SNX29: variants seen among roughly 807,000 people sequenced by gnomAD.
The protein encoded by SNX29 is sorting nexin 29, also known as sorting nexin-29.
A neutral mutation model predicts 102.1 loss-of-function variants in SNX29; 78 were observed. The ratio of observed to expected loss-of-function variants is 0.76; its 90% confidence interval spans 0.64 to 0.92. SNX29 has a LOEUF of 0.92. Among genes scored for constraint, SNX29 ranks in the 40% least tolerant of loss-of-function variants. The probability of loss-of-function intolerance (pLI) is 0.00; values close to 1 mark genes in which losing one functional copy is unlikely to be tolerated. For synonymous variants in SNX29, 580 were observed against 414.5 expected, an observed-to-expected ratio of 1.40 and a Z score of -4.85; for missense variants, 1,280 against 1,061.7, an observed-to-expected ratio of 1.21 and a Z score of -2.86.
At chr16:12,205,807 C>T (rs1332874488) in intron 14 of SNX29, among the ~76,000 whole-genome samples, 2 of 152,258 alleles carry the variant, frequency 1.3e-5, no homozygotes, top group Non-Finnish European at 2.9e-5. Context: ...TTGCACTGTA[C>T]AGCCCACAAG....
At chr16:12,352,555 C>G (rs919124306) in intron 15 of SNX29, among the ~76,000 whole-genome samples, 2 of 152,216 alleles carry the variant, frequency 1.3e-5, no homozygotes, top group African/African-American at 4.8e-5. Flanking sequence ...AGGCAAGTTA[C>G]TTAAACTTCT....
At chr16:12,257,519 C>CTCTG (rs2078609948) in intron 14 of SNX29, among the ~76,000 whole-genome samples, 2 of 150,526 alleles carry the variant, frequency 1.3e-5, no homozygotes. Context: ...CTCTCTCTCT[C>CTCTG]TTTAAGAGAG....
At chr16:12,529,824 T>C (rs1327400510) in intron 20 of SNX29, among the ~76,000 whole-genome samples, 1 of 152,200 alleles carries the variant, frequency 6.6e-6, no homozygotes, top group Non-Finnish European at 1.5e-5. Flanking sequence ...CAGGGGTCAC[T>C]TGAACCTAAG....
At chr16:12,004,090 C>T (rs920550535) in intron 3 of SNX29, among the ~76,000 whole-genome samples, 7 of 150,318 alleles carry the variant, frequency 4.7e-5, no homozygotes, top group South Asian at 2.1e-4. Flanking sequence ...GCCTGTAATC[C>T]CAGCACTTTG....
At chr16:12,442,845 C>T (rs965245063) in intron 18 of SNX29, 8 of 367,290 alleles carry the variant, frequency 2.2e-5, no homozygotes, top group Non-Finnish European at 3.8e-5. Context: ...CCTCCCATCT[C>T]AGCCTCACAA....
chr16:12,006,925 C>A (rs985489381), intron 3 of SNX29, among the ~76,000 whole-genome samples: 13 of 152,132 alleles, frequency 8.5e-5, no homozygotes, highest in Non-Finnish European at 2.9e-5. Flanking sequence ...CTGGGTTATC[C>A]CTTTTTTACT....
At chr16:12,560,096 A>G (rs1044060454) in intron 20 of SNX29, among the ~76,000 whole-genome samples, 1 of 152,094 alleles carries the variant, frequency 6.6e-6, no homozygotes, top group Non-Finnish European at 1.5e-5. Flanking sequence ...GTTATCCACA[A>G]AGGATGAGTT....
chr16:12,372,335 A>G (rs1407710979), intron 16 of SNX29, among the ~76,000 whole-genome samples: 2 of 152,246 alleles, frequency 1.3e-5, no homozygotes, highest in African/African-American at 2.4e-5. Flanking sequence ...GGCGCTGTCA[A>G]TAGTGAGTTT....
At chr16:12,027,549 T>C (rs2057228488) in intron 4 of SNX29, 105 bp downstream of exon 4, 2 of 1,387,046 alleles carry the variant, frequency 1.4e-6, no homozygotes, top group Non-Finnish European at 2.0e-6. Flanking sequence ...GCGTGGGACT[T>C]GGTGGGGTGG....
Position 12,561,028 on chromosome 16 carries a change from G to C in SNX29, c.2319-7478G>C, listed in dbSNP as rs191219026. The C allele has an allele frequency of 3.5e-3, 786 of 221,508 alleles. 5 individuals carry two copies. The highest frequency in any genetic ancestry group is 0.017 in the African/African-American group (760 of 44,752). 13.7% of individuals were successfully genotyped at this position (221,508 alleles called of 1,614,324 possible). A position where few individuals can be genotyped will look rare whatever the true frequency, so the allele number is the denominator to read the frequency against. ...ATCAGTTGTGGATGGTGGAAGTCTT[G>C]GAGACCCATTTCAAACCAAGAGGTA... On this transcript the variant is annotated intron_variant, in intron 20 of 20. Transcript: ENST00000566228.
chr16:12,464,376 G>C (rs2086956831), intron 18 of SNX29, among the ~76,000 whole-genome samples: 2 of 152,026 alleles, frequency 1.3e-5, no homozygotes, highest in South Asian at 4.1e-4. Flanking sequence ...TAATAATACT[G>C]CAGTGAATAT....
chr16:12,103,244 C>T (rs1009957401), intron 11 of SNX29, among the ~76,000 whole-genome samples: 1 of 152,178 alleles, frequency 6.6e-6, no homozygotes, highest in African/African-American at 2.4e-5. Context: ...CCCATATAGC[C>T]AAGCTAATCC....
chr16:12,566,725 C>T (rs1484382694), intron 20 of SNX29, among the ~76,000 whole-genome samples: 2 of 152,156 alleles, frequency 1.3e-5, no homozygotes, highest in African/African-American at 2.4e-5. Flanking sequence ...AAGAGAGGAT[C>T]ATGTTTGCTT....
chr16:12,398,326 A>T, intron 16 of SNX29, 120 bp from the exon 17 acceptor site: 3 of 1,105,478 alleles, frequency 2.7e-6, no homozygotes, highest in Admixed American at 1.9e-5. Flanking sequence ...CTGCTTTTTC[A>T]CTTCATTCTG....
Position 12,569,618 on chromosome 16 carries a change from A to C in SNX29, c.*989A>C, listed in dbSNP as rs1237815432. 1 of 204,766 alleles carries C rather than the reference A, an allele frequency of 4.9e-6. No individual in the cohort carries two copies. Among genetic ancestry groups the C allele is most frequent in the African/African-American group, 2.8e-5 (1 of 35,328 alleles). 12.7% of individuals were successfully genotyped at this position (204,766 alleles called of 1,614,324 possible). ...TGCCCCCGACATTGTCCTTGATAAC[A>C]GAACTCTGCATCCCCTAAGACAGAG... On this transcript the variant is annotated 3_prime_UTR_variant, in exon 21 of 21. Transcript: ENST00000566228.
intron 20 of SNX29, among the ~76,000 whole-genome samples, chr16:12,555,110 C>A (rs376660505): frequency 1.5e-5 from 2 of 132,110 alleles, no homozygotes; most frequent in Non-Finnish European, 3.7e-5. Context: ...CAGGGACAAT[C>A]TCAGAGTATC....
rs917585027 is a variant in SNX29, at chr16:12,421,855, C to G, written c.2037+18326C>G. Among the ~76,000 whole-genome samples the G allele has an allele frequency of 2.4e-4, 34 of 143,670 alleles. No individual in the cohort carries two copies. The South Asian group carries it at 6.3e-3, about 26-fold the overall frequency. The allele number at this position is 143,670 out of a possible 152,430, so 94.3% of individuals were successfully genotyped here. On this transcript the variant is annotated intron_variant, in intron 18 of 20. Coordinates refer to ENST00000566228, the MANE Select transcript of SNX29 (RefSeq NM_032167.5). ...GCCATGCATCACCATCACCAGCCAT[C>G]CATCACCATCACCAGCCGTCCATCA... is the stretch of plus-strand genomic sequence containing the variant.
At chr16:12,058,617 C>T (rs537358686) in intron 8 of SNX29, among the ~76,000 whole-genome samples, 1 of 150,990 alleles carries the variant, frequency 6.6e-6, no homozygotes, top group African/African-American at 2.4e-5. Flanking sequence ...CCTCACCCTT[C>T]CAAGTAGCTG....
intron 18 of SNX29, among the ~76,000 whole-genome samples, chr16:12,429,272 C>T (rs1310333200): frequency 6.6e-6 from 1 of 152,110 alleles, no homozygotes; most frequent in Non-Finnish European, 1.5e-5. Context: ...CTAGTTAGTC[C>T]CACCACACAG....
Sources: allele counts gnomAD v4.1 joint callset (sites outside exome capture counted in the v4.1 genomes callset), GRCh38; gene constraint gnomAD v4.1.1; transcripts MANE v1.5; gene names NCBI Gene and HGNC (gene_info 2026-07-23, HGNC 2026-07-21).